Variants in ZNF215 observed in about 807,000 individuals in gnomAD.
ZNF215 encodes the protein BWSCR2-associated zinc finger protein 2.
ZNF215 carries 24 observed loss-of-function variants against 27.2 expected under a neutral mutation model. The observed-to-expected ratio is 0.88, with a 90% CI of 0.64 to 1.24. ZNF215 has a LOEUF of 1.24. Among genes scored for constraint, ZNF215 ranks in the 50% most tolerant of loss-of-function variants. The pLI is 0.00. For synonymous variants in ZNF215, 210 were observed against 204.0 expected, an observed-to-expected ratio of 1.03 and a Z score of -0.25; for missense variants, 675 against 605.7, an observed-to-expected ratio of 1.11 and a Z score of -1.20.
At chr11:6,942,697 T>C (rs1849671427) in intron 4 of ZNF215, among the ~76,000 whole-genome samples, 1 of 152,210 alleles carries the variant, frequency 6.6e-6, no homozygotes, top group African/African-American at 2.4e-5. Flanking sequence ...TACATTTTCA[T>C]TACAAATCTC....
rs575578176 is a variant in ZNF215, at chr11:6,946,426, A to G, written c.712+2785A>G. On this transcript the variant is annotated intron_variant, in intron 6 of 6. Transcript: ENST00000278319. Reference sequence around the variant, plus strand: ...ACCTATCTACTTTCAGAAAATCAACATCAAATATATATTAAGCATCTATAT... The same window carrying G: ...ACCTATCTACTTTCAGAAAATCAACGTCAAATATATATTAAGCATCTATAT... Among the ~76,000 whole-genome samples, 30 of 152,308 alleles carry G rather than the reference A, an allele frequency of 2.0e-4. 1 individual carries two copies. Among genetic ancestry groups the G allele is most frequent in the African/African-American group, 7.0e-4 (29 of 41,568 alleles).
intron 5 of ZNF215, among the ~76,000 whole-genome samples, chr11:6,975,275 G>C (rs1161756941): frequency 2.0e-5 from 3 of 151,950 alleles, no homozygotes; most frequent in African/African-American, 7.3e-5. Flanking sequence ...TACATAGTAG[G>C]TGTATATATT....
chr11:6,994,192 TTTATATA>T (rs1263916760), intron 6 of ZNF215, among the ~76,000 whole-genome samples: 1 of 13,790 alleles, frequency 7.3e-5, no homozygotes, highest in Non-Finnish European at 4.2e-4. Context: ...TTATATATAT[TTTATATA>T]TTATATATTA....
chr11:6,942,263 T>C (rs1182371348), intron 4 of ZNF215, among the ~76,000 whole-genome samples: 1 of 152,154 alleles, frequency 6.6e-6, no homozygotes, highest in East Asian at 1.9e-4. Context: ...GATGTTTATA[T>C]ATTTCAGTGT....
At chr11:6,969,672 A>G (rs1286924621) in intron 5 of ZNF215, among the ~76,000 whole-genome samples, 1 of 152,228 alleles carries the variant, frequency 6.6e-6, no homozygotes, top group African/African-American at 2.4e-5. Flanking sequence ...AAAATATAGT[A>G]TACTTATTAA....
chr11:6,965,862 C>T (rs905873644), intron 5 of ZNF215, among the ~76,000 whole-genome samples: 9 of 152,062 alleles, frequency 5.9e-5, no homozygotes, highest in Non-Finnish European at 1.2e-4. Flanking sequence ...GTTCTGTCTT[C>T]AGTATACTGG....
intron 6 of ZNF215, among the ~76,000 whole-genome samples, chr11:6,994,316 A>G (rs970841390): frequency 2.6e-5 from 4 of 152,126 alleles, no homozygotes; most frequent in East Asian, 1.9e-4. Context: ...CTGGTGAATC[A>G]TGAACTTTTC....
At chr11:6,986,609 C>G (rs1176925635), downstream of ZNF215, among the ~76,000 whole-genome samples, 2 of 152,124 alleles carry the variant, frequency 1.3e-5, no homozygotes, top group East Asian at 3.8e-4. Flanking sequence ...TATTTGTAAA[C>G]TATGCATCCA....
chr11:6,976,946 G>A (rs1382433801), intron 5 of ZNF215, among the ~76,000 whole-genome samples: 2 of 152,014 alleles, frequency 1.3e-5, no homozygotes, highest in African/African-American at 4.8e-5. Flanking sequence ...GCATCGTGCT[G>A]TCTCTAGAAG....
intron 3 of ZNF215, among the ~76,000 whole-genome samples, chr11:6,939,715 C>T (rs2595402): frequency 0.98 from 148,661 of 152,212 alleles, 72,696 homozygotes; most frequent in Middle Eastern, 1. Flanking sequence ...GACGGTAAAA[C>T]TTCAAGAAGG....
chr11:6,943,192 G>A lies in ZNF215; in HGVS notation c.593G>A (p.Arg198Lys), dbSNP rs1849690096. Residue 198 changes from arginine (R) to lysine (K), a missense_variant, in exon 5 of 7, where the codon AGG becomes AAG. Arg to Lys is a conservative substitution (Grantham distance 26). Transcript: ENST00000278319. ...AGGAATGTGATGCTGGAAAACTTTA[G>A]GAACCTGAATTCATTGCGTAAAGGT... ...LYRNVMLENF[R>K]NLNSLRKAHL... 6.2e-7 allele frequency: 1 copy of A among 1,613,288 alleles called. No homozygotes were observed. The highest frequency in any genetic ancestry group is 2.2e-5 in the East Asian group (1 of 44,878).
rs201523805 is a variant in ZNF215, at chr11:6,956,549, G to T, written c.*18G>T. ...AGTCCTGAAAAAAGAAAAAATGAAA[G>T]ATTACCTTCAGTCAGAATGCAGAAC... On this transcript the variant is annotated 3_prime_UTR_variant, in exon 7 of 7. Transcript: ENST00000278319. 6.4e-5 allele frequency: 99 copies of T among 1,539,868 alleles called. No homozygotes were observed. Among genetic ancestry groups the T allele is most frequent in the Non-Finnish European group, 7.5e-5 (86 of 1,150,030 alleles).
intron 5 of ZNF215, 117 bp from the exon 6 acceptor site, chr11:6,943,429 C>G: frequency 8.7e-7 from 1 of 1,153,328 alleles, no homozygotes; most frequent in East Asian, 2.4e-5. Flanking sequence ...GCTCTTCTGG[C>G]CTTACCCTTC....
downstream of ZNF215, among the ~76,000 whole-genome samples, chr11:6,989,717 A>C (rs183537557): frequency 1.7e-3 from 265 of 152,280 alleles, 1 homozygote; most frequent in South Asian, 5.4e-3. Context: ...TGACAGAGGA[A>C]GTGAAAACAC....
At chr11:6,953,422 C>A (rs1301027133) in intron 6 of ZNF215, among the ~76,000 whole-genome samples, 1 of 152,198 alleles carries the variant, frequency 6.6e-6, no homozygotes, top group Non-Finnish European at 1.5e-5. Flanking sequence ...TTCTTGGAGG[C>A]TTTGTTTGTT....
At chr11:6,985,232 G>A (rs1025618124), downstream of ZNF215, among the ~76,000 whole-genome samples, 3 of 152,168 alleles carry the variant, frequency 2.0e-5, no homozygotes, top group Admixed American at 6.5e-5. Context: ...TGGAATGCAA[G>A]ATTGATTCAA....
intron 3 of ZNF215, among the ~76,000 whole-genome samples, chr11:6,937,660 G>C (rs113571827): frequency 1.3e-5 from 2 of 151,748 alleles, no homozygotes; most frequent in African/African-American, 4.8e-5. Flanking sequence ...AAGCTATGTC[G>C]TACTGGAATA....
At chr11:6,986,243 A>G (rs1483671114), downstream of ZNF215, among the ~76,000 whole-genome samples, 1 of 152,178 alleles carries the variant, frequency 6.6e-6, no homozygotes, top group Non-Finnish European at 1.5e-5. Flanking sequence ...CAACCATCTT[A>G]TCTTTGACAA....
chr11:6,941,046 G>A (rs1431918776), intron 3 of ZNF215, among the ~76,000 whole-genome samples: 1 of 152,162 alleles, frequency 6.6e-6, no homozygotes, highest in Non-Finnish European at 1.5e-5. Context: ...AGAATTGGTT[G>A]TCCCTCAGAA....
Sources: gnomAD v4.1 joint callset for allele counts (sites outside exome capture counted in the v4.1 genomes callset) on GRCh38, gnomAD v4.1.1 for gene constraint, MANE v1.5 for transcripts, NCBI Gene and HGNC (gene_info 2026-07-23, HGNC 2026-07-21) for gene names.